Variants in N4BP2L2 observed in about 807,000 individuals in gnomAD.
N4BP2L2 encodes the protein NEDD4-binding protein 2-like 2.
N4BP2L2 carries 50 observed loss-of-function variants against 56.2 expected under a neutral mutation model. That is an observed-to-expected ratio of 0.89 (90% CI 0.71 to 1.13). N4BP2L2 has a LOEUF of 1.13. N4BP2L2 is among the 50% of genes most tolerant of loss of function. The pLI, the probability that N4BP2L2 is intolerant of heterozygous loss-of-function variation, is 0.00. For missense variants in N4BP2L2, 689 were observed against 693.8 expected, an observed-to-expected ratio of 0.99 and a Z score of 0.08; for synonymous variants, 203 against 223.6, an observed-to-expected ratio of 0.91 and a Z score of 0.82.
chr13:32,485,612 G>A (rs1029705983), intron 6 of N4BP2L2, among the ~76,000 whole-genome samples: 4 of 152,120 alleles, frequency 2.6e-5, no homozygotes, highest in Non-Finnish European at 5.9e-5. Context: ...TGTTATCTCA[G>A]GAAAGCAAGG....
intron 1 of N4BP2L2, 88 bp downstream of exon 1, chr13:32,538,530 A>T: frequency 1.3e-6 from 1 of 757,836 alleles, no homozygotes; most frequent in Non-Finnish European, 1.6e-6. Flanking sequence ...GTCTACGTTT[A>T]CAGCTAATCT....
intron 6 of N4BP2L2, among the ~76,000 whole-genome samples, chr13:32,483,590 C>A (rs1231631157): frequency 6.6e-6 from 1 of 152,144 alleles, no homozygotes. Flanking sequence ...GGCAGATGAT[C>A]TTTATTTATA....
At chr13:32,527,289 C>A in intron 3 of N4BP2L2, 119 bp downstream of exon 3, 1 of 1,042,630 alleles carries the variant, frequency 9.6e-7, no homozygotes, top group Non-Finnish European at 1.4e-6. Context: ...GGTCTCAAAG[C>A]TATTTAAACG....
intron 6 of N4BP2L2, among the ~76,000 whole-genome samples, chr13:32,501,810 A>G (rs1033618409): frequency 6.6e-6 from 1 of 151,890 alleles, no homozygotes; most frequent in Non-Finnish European, 1.5e-5. Context: ...GCGAGACTCC[A>G]TCTCTGTGAG....
chr13:32,470,691 T>A (rs1466658915), intron 6 of N4BP2L2, among the ~76,000 whole-genome samples: 1 of 152,208 alleles, frequency 6.6e-6, no homozygotes, highest in Non-Finnish European at 1.5e-5. Flanking sequence ...GGTGCATTAA[T>A]AGGTAACAAG....
At position 32,510,494 on chromosome 13, in the gene N4BP2L2, T is replaced by C. The variant is rs540372740; in HGVS notation, c.*7308A>G. The C allele has an allele frequency of 2.0e-5, 3 of 146,348 alleles. No individual in the cohort carries two copies. The Admixed American group carries it at 2.1e-4, about 10-fold the overall frequency. The allele number at this position is 146,348 out of a possible 1,614,324, so 9.1% of individuals were successfully genotyped here. A position where few individuals can be genotyped will look rare whatever the true frequency, so the allele number is the denominator to read the frequency against. ...TAAACATTAAATAGTATAAACTCTA[T>C]CAATTTTTTTTTTTTTTTTTTTTGA... On this transcript the variant is annotated 3_prime_UTR_variant, in exon 6 of 6. Transcript: ENST00000267068.
intron 6 of N4BP2L2, among the ~76,000 whole-genome samples, chr13:32,501,431 C>CT (rs34152087): frequency 0.69 from 103,255 of 149,880 alleles, 35,877 homozygotes; most frequent in Non-Finnish European, 0.75. Flanking sequence ...AAATAAAAAC[C>CT]TTTTTTTTTT....
At chr13:32,465,730 T>C (rs2081101366) in intron 6 of N4BP2L2, among the ~76,000 whole-genome samples, 1 of 152,200 alleles carries the variant, frequency 6.6e-6, no homozygotes, top group South Asian at 2.1e-4. Context: ...CTCGGCTTAC[T>C]ACAACCTCTG....
At chr13:32,442,758 A>G in exon 7 of N4BP2L2, 1 of 1,613,480 alleles carries the variant, frequency 6.2e-7, no homozygotes, top group East Asian at 2.2e-5. Flanking sequence ...AAGGAATATA[A>G]TTTTTGTATA....
At chr13:32,507,653 T>C (rs2091171694), downstream of N4BP2L2, 1 of 152,106 alleles carries the variant, frequency 6.6e-6, no homozygotes, top group Non-Finnish European at 1.5e-5. Context: ...TTAGAGCTTT[T>C]AGCAAGGACA....
In N4BP2L2 at chr13:32,474,061, G is replaced by T. The variant is rs114392416; in HGVS notation, c.366-29935C>A. On this transcript the variant is annotated intron_variant, in intron 6 of 9. Coordinates refer to the N4BP2L2 transcript ENST00000357505. Reference sequence around the variant, plus strand: ...TGTTAATTTGCTTGCATATAATAAGGGTATCATGGTTATGAAAGAAAATGC... The same window carrying T: ...TGTTAATTTGCTTGCATATAATAAGTGTATCATGGTTATGAAAGAAAATGC... Among the ~76,000 whole-genome samples the T allele has an allele frequency of 7.1e-3, 1,083 of 152,164 alleles. 13 individuals are homozygous for T. The highest frequency in any genetic ancestry group is 0.025 in the African/African-American group (1,045 of 41,512).
intron 6 of N4BP2L2, among the ~76,000 whole-genome samples, chr13:32,475,658 A>G (rs1403924435): frequency 6.6e-6 from 1 of 152,194 alleles, no homozygotes; most frequent in Non-Finnish European, 1.5e-5. Flanking sequence ...TGGAGCCTCC[A>G]TCTTGAACAT....
chr13:32,536,756 G>A (rs752012184), exon 2 of N4BP2L2: 2 of 1,613,906 alleles, frequency 1.2e-6, no homozygotes, highest in African/African-American at 2.7e-5. Context: ...AATAACATCT[G>A]GTCTATTACC....
At chr13:32,536,181 G>T in exon 2 of N4BP2L2, 1 of 1,614,130 alleles carries the variant, frequency 6.2e-7, no homozygotes, top group Non-Finnish European at 8.5e-7. Flanking sequence ...TTCAAACTGG[G>T]AAGAGGGGGA....
At chr13:32,524,867 ATCC>A (rs1478250587) in intron 3 of N4BP2L2, 2 of 152,226 alleles carry the variant, frequency 1.3e-5, no homozygotes, top group Non-Finnish European at 2.9e-5. Flanking sequence ...GCCTCAAGCA[ATCC>A]TCCTATCTCA....
At chr13:32,505,251 A>G (rs1485002616) in intron 6 of N4BP2L2, 2 of 152,218 alleles carry the variant, frequency 1.3e-5, no homozygotes, top group Non-Finnish European at 2.9e-5. Flanking sequence ...GACTTCCTTC[A>G]TTTTTATCCC....
chr13:32,515,677 CTG>C (rs2049043578), exon 6 of N4BP2L2: 1 of 23,530 alleles, frequency 4.2e-5, no homozygotes, highest in Non-Finnish European at 2.3e-4. Context: ...TCCTCATAAT[CTG>C]TTTCTCCCAA....
At chr13:32,528,221 G>A (rs936281627) in intron 2 of N4BP2L2, among the ~76,000 whole-genome samples, 3 of 152,000 alleles carry the variant, frequency 2.0e-5, no homozygotes, top group Admixed American at 1.3e-4. Context: ...TAAAAAGCAA[G>A]TAAGCCTAAG....
intron 1 of N4BP2L2, among the ~76,000 whole-genome samples, chr13:32,537,455 C>A (rs192114114): frequency 6.0e-4 from 92 of 152,218 alleles, no homozygotes; most frequent in African/African-American, 2.1e-3. Flanking sequence ...GGCTGTGATA[C>A]ACTGCATCCT....
Sources: allele counts gnomAD v4.1 joint callset (sites outside exome capture counted in the v4.1 genomes callset), GRCh38; gene constraint gnomAD v4.1.1; transcripts MANE v1.5; gene names NCBI Gene and HGNC (gene_info 2026-07-23, HGNC 2026-07-21).